COL23A1: variants seen among roughly 807,000 people sequenced by gnomAD.
COL23A1 encodes collagen type XXIII alpha 1 chain, also known as collagen alpha-1(XXIII) chain.
In COL23A1, 97 loss-of-function variants were observed where a neutral mutation model predicts 99.3. That is an observed-to-expected ratio of 0.98 (90% CI 0.83 to 1.16). COL23A1 has a LOEUF of 1.16. Among genes scored for constraint, COL23A1 ranks in the 50% most tolerant of loss-of-function variants. The probability of loss-of-function intolerance (pLI) is 0.00; values close to 1 mark genes in which losing one functional copy is unlikely to be tolerated. For missense variants in COL23A1, 762 were observed against 757.4 expected (o/e 1.01, Z -0.07); for synonymous variants, 320 against 308.2 (o/e 1.04, Z -0.40).
chr5:178,270,500 C>T, intron 5 of COL23A1, 137 bp from the exon 6 acceptor site: 1 of 1,020,420 alleles, frequency 9.8e-7, no homozygotes, highest in Non-Finnish European at 1.5e-6. Flanking sequence ...GTCCATGTGG[C>T]CTGGGGCTGA....
rs1321066505 is a variant in COL23A1 at position 178,448,937 on chromosome 5, C to CT, written c.361+111744dup. On this transcript the variant is annotated intron_variant, in intron 2 of 28. Coordinates refer to ENST00000390654, the MANE Select transcript of COL23A1 (RefSeq NM_173465.4). The stretch of plus-strand genomic sequence containing the variant: ...TTTTTTTTTTTTTAAATAAACCATG[C>CT]TTTTTTGTCACTTAGGTTCATTTCT... Among the ~76,000 whole-genome samples the CT allele has an allele frequency of 1.5e-4, 22 of 150,744 alleles. 1 individual carries two copies. The South Asian group carries it at 4.6e-3, about 32-fold the overall frequency.
At chr5:178,582,844 G>A (rs1177719138) in intron 1 of COL23A1, among the ~76,000 whole-genome samples, 2 of 152,220 alleles carry the variant, frequency 1.3e-5, no homozygotes, top group African/African-American at 4.8e-5. Context: ...CCAGGAAGCT[G>A]ATGAAAGTGG....
chr5:178,373,336 G>A (rs1347794414), intron 2 of COL23A1, among the ~76,000 whole-genome samples: 1 of 152,212 alleles, frequency 6.6e-6, no homozygotes. Context: ...CCTCGTTTGG[G>A]TTCCGCAGAA....
At chr5:178,509,901 G>A (rs1472123808) in intron 2 of COL23A1, among the ~76,000 whole-genome samples, 1 of 152,178 alleles carries the variant, frequency 6.6e-6, no homozygotes, top group Non-Finnish European at 1.5e-5. Context: ...TTATTATTAA[G>A]TTTCATATCT....
chr5:178,403,813 G>A (rs17648049), intron 2 of COL23A1, among the ~76,000 whole-genome samples: 43,640 of 152,224 alleles, frequency 0.29, 7,808 homozygotes, highest in Non-Finnish European at 0.4. Context: ...ATGCTTTTAC[G>A]CAAACACCTT....
chr5:178,569,837 C>T (rs555447562), intron 1 of COL23A1, among the ~76,000 whole-genome samples: 1 of 152,328 alleles, frequency 6.6e-6, no homozygotes, highest in Non-Finnish European at 1.5e-5. Context: ...CCCCTCCACA[C>T]CCCTTCATGC....
chr5:178,247,976 G>A (rs1764804064), intron 20 of COL23A1, 145 bp from the exon 21 acceptor site: 2 of 784,816 alleles, frequency 2.5e-6, no homozygotes, highest in Non-Finnish European at 2.1e-6. Flanking sequence ...CAGCTGGTCT[G>A]CGGAGCTTAT....
chr5:178,318,024 G>T (rs973383887), intron 2 of COL23A1, among the ~76,000 whole-genome samples: 1 of 152,166 alleles, frequency 6.6e-6, no homozygotes, highest in South Asian at 2.1e-4. Context: ...GGGAGCTACA[G>T]TTCAAGATGA....
rs886323408 is a variant in COL23A1 at position 178,578,100 on chromosome 5, C to T, written c.294+11804G>A. Among the ~76,000 whole-genome samples, 17 of 150,618 alleles carry T rather than the reference C, an allele frequency of 1.1e-4. No individual in the cohort carries two copies. In the South Asian group the frequency reaches 2.5e-3, roughly 22 times the overall value. On this transcript the variant is annotated intron_variant, in intron 1 of 28. Transcript: ENST00000390654. ...TCATGCACACACACATGCATGCACA[C>T]GCCCACATGCACACATTCATGCACA...
At chr5:178,400,035 T>G (rs1039065447) in intron 2 of COL23A1, among the ~76,000 whole-genome samples, 1 of 152,120 alleles carries the variant, frequency 6.6e-6, no homozygotes, top group African/African-American at 2.4e-5. Flanking sequence ...CGGAGCCCAA[T>G]TGGAACACCT....
intron 2 of COL23A1, among the ~76,000 whole-genome samples, chr5:178,349,895 T>A (rs1581200617): frequency 6.6e-6 from 1 of 151,948 alleles, no homozygotes; most frequent in Non-Finnish European, 1.5e-5. Context: ...CTCCCTGGGG[T>A]ACTCTCTCCC....
At position 178,387,079 on chromosome 5, in the gene COL23A1, C is replaced by A. The variant is rs1375561454; in HGVS notation, c.362-80160G>T. On this transcript the variant is annotated intron_variant, in intron 2 of 28. Coordinates refer to ENST00000390654, the MANE Select transcript of COL23A1 (RefSeq NM_173465.4). The surrounding 1 kb of genome is among the most constrained non-coding windows in gnomAD (Gnocchi z 4.7). Reference sequence around the variant, plus strand: ...CTGTCCGACTTCCTGGCACTCTGCACCCCCACCTTATTTCTCTCCCACGGC... The same window carrying A: ...CTGTCCGACTTCCTGGCACTCTGCAACCCCACCTTATTTCTCTCCCACGGC... Among the ~76,000 whole-genome samples, 1 of 152,088 alleles carries A rather than the reference C, an allele frequency of 6.6e-6. No individual in the cohort carries two copies. The highest frequency in any genetic ancestry group is 1.5e-5 in the Non-Finnish European group (1 of 68,014).
At chr5:178,341,959 C>T (rs560459448) in intron 2 of COL23A1, among the ~76,000 whole-genome samples, 1 of 152,280 alleles carries the variant, frequency 6.6e-6, no homozygotes, top group Admixed American at 6.5e-5. Context: ...GGAGATTGCC[C>T]TCACCTGCCT....
chr5:178,510,315 G>A (rs1759130927), intron 2 of COL23A1, among the ~76,000 whole-genome samples: 1 of 152,186 alleles, frequency 6.6e-6, no homozygotes, highest in Non-Finnish European at 1.5e-5. Context: ...GCCGAGGCGG[G>A]CGGATCACTT....
At chr5:178,550,447 T>C (rs1761939105) in intron 2 of COL23A1, among the ~76,000 whole-genome samples, 1 of 152,128 alleles carries the variant, frequency 6.6e-6, no homozygotes, top group Non-Finnish European at 1.5e-5. Context: ...TACAAATGTC[T>C]CCAAATACTG....
chr5:178,263,204 T>A lies in COL23A1; in HGVS notation c.639+4A>T. 1.2e-6 allele frequency: 2 copies of A among 1,608,904 alleles called. No homozygotes were observed. The highest frequency in any genetic ancestry group is 3.3e-4 in the Middle Eastern group (2 of 5,996). On this transcript the variant is annotated splice_donor_region_variant and intron_variant, in intron 9 of 28. Transcript: ENST00000390654. ...GCGTGGCCCAACTCCATGCCCTCTCTTACCGCTGGGCCTTGTGCTCCCCTG... is the reference window on the plus strand; with the variant it reads ...GCGTGGCCCAACTCCATGCCCTCTCATACCGCTGGGCCTTGTGCTCCCCTG...
At chr5:178,299,243 G>GTGT (rs1757906924) in intron 3 of COL23A1, among the ~76,000 whole-genome samples, 1 of 152,138 alleles carries the variant, frequency 6.6e-6, no homozygotes, top group Admixed American at 6.6e-5. Flanking sequence ...TCTTCTTTAA[G>GTGT]TGTTTGTTAG....
rs533871136 is a variant in COL23A1 at position 178,302,194 on chromosome 5, G to A, written c.406+4681C>T. Reference sequence around the variant, plus strand: ...TCAATGCTGCACCTCTGTGTGTGCTGGAGCACAGCTTCAATCCACCTCTGT... The same window carrying A: ...TCAATGCTGCACCTCTGTGTGTGCTAGAGCACAGCTTCAATCCACCTCTGT... On this transcript the variant is annotated intron_variant, in intron 3 of 28. Coordinates refer to ENST00000390654, the MANE Select transcript of COL23A1 (RefSeq NM_173465.4). 2.9e-5 allele frequency among the ~76,000 whole-genome samples: 2 copies of A among 69,536 alleles called. 1 individual carries two copies. Among genetic ancestry groups the A allele is most frequent in the South Asian group, 6.7e-4 (2 of 2,982 alleles). 45.6% of individuals were successfully genotyped at this position (69,536 alleles called of 152,430 possible). A position where few individuals can be genotyped will look rare whatever the true frequency, so the allele number is the denominator to read the frequency against.
intron 2 of COL23A1, among the ~76,000 whole-genome samples, chr5:178,312,815 G>C (rs1048140463): frequency 2.0e-5 from 3 of 152,096 alleles, no homozygotes; most frequent in Non-Finnish European, 4.4e-5. Flanking sequence ...GGGGTTCATG[G>C]AATCCACACA....
Sources: gnomAD v4.1 joint callset for allele counts (sites outside exome capture counted in the v4.1 genomes callset) on GRCh38, gnomAD v4.1.1 for gene constraint, Gnocchi (gnomAD v3.1) non-coding constraint, MANE v1.5 for transcripts, NCBI Gene and HGNC (gene_info 2026-07-23, HGNC 2026-07-21) for gene names.